Variants in DLGAP2 observed in about 807,000 individuals in gnomAD.
DLGAP2 encodes disks large-associated protein 2.
Under a neutral mutation model 100.3 loss-of-function variants are expected in DLGAP2, and 26 were observed. That is an observed-to-expected ratio of 0.26 (90% CI 0.19 to 0.36). The LOEUF (loss-of-function observed/expected upper bound fraction) is 0.36, where lower values mean the gene tolerates loss of function less well. Among genes scored for constraint, DLGAP2 ranks in the 10% least tolerant of loss-of-function variants. The pLI is 1.00. For synonymous variants in DLGAP2, 886 were observed against 630.1 expected (o/e 1.41, Z -6.08); for missense variants, 1,858 against 1,453.2 (o/e 1.28, Z -4.53).
intron 4 of DLGAP2, among the ~76,000 whole-genome samples, chr8:1,510,562 C>A (rs769384088): frequency 6.6e-6 from 1 of 152,218 alleles, no homozygotes; most frequent in Non-Finnish European, 1.5e-5. Context: ...TGTCACTCTG[C>A]GTGGGCTCCC....
At chr8:1,552,363 G>T (rs1255584333) in intron 5 of DLGAP2, among the ~76,000 whole-genome samples, 2 of 152,196 alleles carry the variant, frequency 1.3e-5, no homozygotes, top group African/African-American at 4.8e-5. Context: ...CCTCTTCGGG[G>T]CATGCAGCTC....
rs866755248 is a variant in DLGAP2, at chr8:1,561,767, C to T, written c.1231-3916C>T. Among the ~76,000 whole-genome samples the T allele has an allele frequency of 1.6e-4, 16 of 97,794 alleles. 1 individual carries two copies. Among genetic ancestry groups the T allele is most frequent in the South Asian group, 1.4e-3 (3 of 2,138 alleles). The allele number at this position is 97,794 out of a possible 152,430, so 64.2% of individuals were successfully genotyped here. ...GGACTGTGTGGTGTTGGGGTGTCCG[C>T]GCCTCGTTACTGGGGGACTGTGTGG... On this transcript the variant is annotated intron_variant, in intron 5 of 14. Transcript: ENST00000637795.
At chr8:1,357,979 G>A (rs188406585) in intron 3 of DLGAP2, among the ~76,000 whole-genome samples, 6 of 152,298 alleles carry the variant, frequency 3.9e-5, no homozygotes, top group Admixed American at 6.5e-5. Context: ...AGACCCAATC[G>A]ACTTAGAGAG....
At chr8:1,551,734 C>T (rs1233143161) in intron 5 of DLGAP2, among the ~76,000 whole-genome samples, 1 of 152,212 alleles carries the variant, frequency 6.6e-6, no homozygotes, top group Non-Finnish European at 1.5e-5. Context: ...ACAAATCCCA[C>T]ACGACAGACA....
intron 4 of DLGAP2, among the ~76,000 whole-genome samples, chr8:1,507,062 G>T (rs1320343359): frequency 6.6e-6 from 1 of 152,246 alleles, no homozygotes; most frequent in Non-Finnish European, 1.5e-5. Context: ...ACACATAAAA[G>T]TTCTCCAAGT....
At chr8:853,615 T>G (rs1397996617) in intron 1 of DLGAP2, among the ~76,000 whole-genome samples, 8 of 152,152 alleles carry the variant, frequency 5.3e-5, no homozygotes, top group Admixed American at 3.3e-4. Context: ...AGTTCTCAGA[T>G]ATAGCCCAGG....
chr8:1,583,089 A>G (rs1177832910), intron 6 of DLGAP2, among the ~76,000 whole-genome samples: 2 of 152,194 alleles, frequency 1.3e-5, no homozygotes, highest in Admixed American at 6.5e-5. Context: ...ATAAAACAGA[A>G]TCCTGTGAAG....
chr8:1,298,177 A>T (rs1288339805), intron 3 of DLGAP2, among the ~76,000 whole-genome samples: 1 of 152,076 alleles, frequency 6.6e-6, no homozygotes, highest in African/African-American at 2.4e-5. Context: ...GAACGGAGAA[A>T]TGTGGCGTGC....
intron 4 of DLGAP2, among the ~76,000 whole-genome samples, chr8:1,523,575 C>A (rs1800685484): frequency 6.6e-6 from 1 of 152,192 alleles, no homozygotes; most frequent in African/African-American, 2.4e-5. Context: ...AAAATTGAGT[C>A]CTGTTTGGAG....
intron 2 of DLGAP2, among the ~76,000 whole-genome samples, chr8:1,254,177 T>C (rs1329508620): frequency 6.6e-6 from 1 of 152,166 alleles, no homozygotes; most frequent in Non-Finnish European, 1.5e-5. Context: ...CTTGCAGGTC[T>C]CAGTCTGCCT....
At chr8:1,301,346 G>C (rs150740451) in intron 3 of DLGAP2, 1 of 152,280 alleles carries the variant, frequency 6.6e-6, no homozygotes, top group Non-Finnish European at 1.5e-5. Flanking sequence ...CTCGAGCTCC[G>C]GGGCCTAGGA....
At chr8:1,372,433 G>A (rs894718796) in intron 3 of DLGAP2, among the ~76,000 whole-genome samples, 3 of 152,294 alleles carry the variant, frequency 2.0e-5, no homozygotes, top group South Asian at 2.1e-4. Context: ...CCTGGTGTGG[G>A]GAAGACAAAT....
At chr8:1,160,827 C>T (rs904063552) in intron 2 of DLGAP2, among the ~76,000 whole-genome samples, 22 of 152,222 alleles carry the variant, frequency 1.4e-4, no homozygotes, top group African/African-American at 3.9e-4. Flanking sequence ...CGAAGACCAG[C>T]ACGCGATTCC....
chr8:1,155,931 G>T (rs1796775578), intron 2 of DLGAP2, among the ~76,000 whole-genome samples: 2 of 152,200 alleles, frequency 1.3e-5, no homozygotes, highest in South Asian at 2.1e-4. Context: ...GGAGCTTCGG[G>T]GCTCGGGGAG....
chr8:1,617,837 A>G (rs1264845234), intron 6 of DLGAP2, among the ~76,000 whole-genome samples: 2 of 152,250 alleles, frequency 1.3e-5, no homozygotes, highest in Non-Finnish European at 1.5e-5. Context: ...TGATTAACCC[A>G]AAAGAAAGCA....
At chr8:782,014 C>T (rs1439538849) in intron 1 of DLGAP2, among the ~76,000 whole-genome samples, 3 of 152,128 alleles carry the variant, frequency 2.0e-5, no homozygotes, top group African/African-American at 4.8e-5. Flanking sequence ...AATCAACCAG[C>T]AGGATGACTA....
chr8:1,228,996 G>T (rs1265932002), intron 2 of DLGAP2, among the ~76,000 whole-genome samples: 1 of 152,086 alleles, frequency 6.6e-6, no homozygotes, highest in Non-Finnish European at 1.5e-5. Context: ...ATATCTATTT[G>T]CAAGTAACAT....
Position 1,383,614 on chromosome 8 carries a change from G to C in DLGAP2, c.107-117752G>C, listed in dbSNP as rs80141974. 1.9e-3 allele frequency among the ~76,000 whole-genome samples: 286 copies of C among 152,308 alleles called. 4 individuals carry two copies. The South Asian group carries it at 0.03, about 16-fold the overall frequency. ...GAGGCTCAAAGGCTGCTTGATTAACGACCAGATCCCAATTCCATGGTTCCC... is the reference window on the plus strand; with the variant it reads ...GAGGCTCAAAGGCTGCTTGATTAACCACCAGATCCCAATTCCATGGTTCCC... On this transcript the variant is annotated intron_variant, in intron 3 of 14. Coordinates refer to ENST00000637795, the MANE Select transcript of DLGAP2 (RefSeq NM_001346810.2).
At chr8:910,634 T>C (rs373080205) in intron 2 of DLGAP2, 8 of 152,218 alleles carry the variant, frequency 5.3e-5, no homozygotes, top group South Asian at 2.1e-4. Context: ...TGACCCCTGA[T>C]TGGCCTTTCA....
Sources: allele counts gnomAD v4.1 joint callset (sites outside exome capture counted in the v4.1 genomes callset), GRCh38; gene constraint gnomAD v4.1.1; transcripts MANE v1.5; gene names NCBI Gene and HGNC (gene_info 2026-07-23, HGNC 2026-07-21).